Variants in SUPT6H observed in about 807,000 individuals in gnomAD.
SUPT6H encodes the protein SPT6 homolog, histone chaperone and transcription elongation factor.
In SUPT6H, 11 loss-of-function variants were observed where a neutral mutation model predicts 222.3. The observed-to-expected ratio is 0.05, with a 90% confidence interval of 0.03 to 0.08. The LOEUF is 0.08. SUPT6H is among the 10% of genes least tolerant of loss of function. The probability of loss-of-function intolerance (pLI) is 1.00; values close to 1 mark genes in which losing one functional copy is unlikely to be tolerated. For synonymous variants in SUPT6H, 762 were observed against 801.2 expected (o/e 0.95, Z 0.83); for missense variants, 1,422 against 2,216.0 (o/e 0.64, Z 7.19).
chr17:28,684,972 A>G lies in SUPT6H; in HGVS notation c.2487+11A>G. On this transcript the variant is annotated intron_variant, in intron 19 of 36. Transcript: ENST00000314616. ...GAGCGGGAAAAGAAGGCAAGTGGCT[A>G]GGACGAGGATACTAAGTGTACATCT... 6.2e-7 allele frequency: 1 copy of G among 1,610,090 alleles called. No homozygotes were observed. The highest frequency in any genetic ancestry group is 8.5e-7 in the Non-Finnish European group (1 of 1,177,126).
chr17:28,684,924 G>T lies in SUPT6H; in HGVS notation c.2450G>T (p.Arg817Leu). 1.2e-6 allele frequency: 2 copies of T among 1,614,112 alleles called. No individual in the cohort carries two copies. Among genetic ancestry groups the T allele is most frequent in the South Asian group, 2.2e-5 (2 of 91,044 alleles). Residue 817 changes from arginine to leucine, a missense_variant, in exon 19 of 37, where the codon CGG (arginine) becomes CTG (leucine). By Grantham distance (102) the Arg-to-Leu change is moderately radical. Transcript: ENST00000314616. ...DFLRLPHFTK[R>L]RTAWREEERE... Reference sequence around the variant, plus strand: ...CTTCGACTGCCCCATTTTACCAAACGGCGAACTGCATGGAGAGAGGAAGAG... The same window carrying T: ...CTTCGACTGCCCCATTTTACCAAACTGCGAACTGCATGGAGAGAGGAAGAG...
At chr17:28,700,656 GC>G in intron 35 of SUPT6H, 144 bp downstream of exon 35, 1 of 1,208,820 alleles carries the variant, frequency 8.3e-7, no homozygotes. Flanking sequence ...TTGTCCTTAG[GC>G]CCATTTGAAG....
At position 28,701,314 on chromosome 17, in the gene SUPT6H, C is replaced by T. The variant is rs557118858; in HGVS notation, c.4995-125C>T. The T allele has an allele frequency of 5.6e-5, 79 of 1,403,754 alleles. 1 individual carries two copies. The East Asian group carries it at 1.5e-3, about 26-fold the overall frequency. The allele number at this position is 1,403,754 out of a possible 1,614,324, so 87.0% of individuals were successfully genotyped here. A position where few individuals can be genotyped will look rare whatever the true frequency, so the allele number is the denominator to read the frequency against. ...GTATGGCAGCCAGCTGCTGCTGTAT[C>T]TGCCTTATCCCAGTAGAGGGGCTGC... is the stretch of plus-strand genomic sequence containing the variant. On this transcript the variant is annotated intron_variant, in intron 36 of 36. Coordinates refer to ENST00000314616, the MANE Select transcript of SUPT6H (RefSeq NM_003170.5).
At position 28,676,209 on chromosome 17, in the gene SUPT6H, T is replaced by C. The variant is rs1244588570; in HGVS notation, c.676T>C (p.Phe226Leu). 6.2e-7 allele frequency: 1 copy of C among 1,610,960 alleles called. No individual in the cohort carries two copies. The highest frequency in any genetic ancestry group is 8.5e-7 in the Non-Finnish European group (1 of 1,178,676). ...CGGTGTGGACTTTGACTATGATGAA[T>C]TTGAGAAATACAATGAGTATGATGA... ...IFGVDFDYDEFEKYNEYDEEL... is the reference protein window; with the variant it reads ...IFGVDFDYDELEKYNEYDEEL... Residue 226 changes from phenylalanine to leucine, a missense_variant, in exon 7 of 37, where the codon TTT (phenylalanine) becomes CTT (leucine). Phe to Leu is a conservative substitution (Grantham distance 22). Coordinates refer to ENST00000314616, the MANE Select transcript of SUPT6H (RefSeq NM_003170.5).
At position 28,674,292 on chromosome 17, in the gene SUPT6H, A is replaced by C; in HGVS notation, c.119A>C (p.Glu40Ala). The change falls in exon 3 of 37, where the codon GAG becomes GCG. Residue 40 changes from glutamate to alanine, a missense_variant. By Grantham distance (107) the Glu-to-Ala change is moderately radical. Transcript: ENST00000314616. ...CATGCATGTCTTCCAGATGAGGAGG[A>C]GGAGGAGGAGAACCTAGATGATCAG... ...FVEEEDDDEE[E>A]EEENLDDQDE... is the part of the protein sequence containing the mutation. The C allele has an allele frequency of 6.2e-7, 1 of 1,614,140 alleles. No individual in the cohort carries two copies. The highest frequency in any genetic ancestry group is 8.5e-7 in the Non-Finnish European group (1 of 1,180,026).
chr17:28,701,749 G>C lies in SUPT6H; in HGVS notation c.*124G>C. On this transcript the variant is annotated 3_prime_UTR_variant, in exon 37 of 37. Coordinates refer to ENST00000314616, the MANE Select transcript of SUPT6H (RefSeq NM_003170.5). ...CGTGAAGTGAGACGTTCTCTTTGGT[G>C]GTCAACCCGGATGGGTGACAGGCTG... is the stretch of plus-strand genomic sequence containing the variant. 9.4e-7 allele frequency: 1 copy of C among 1,059,690 alleles called. No individual in the cohort carries two copies. Among genetic ancestry groups the C allele is most frequent in the South Asian group, 1.6e-5 (1 of 62,358 alleles). 65.6% of individuals were successfully genotyped at this position (1,059,690 alleles called of 1,614,324 possible).
rs1465186982 is a variant in SUPT6H at position 28,681,793 on chromosome 17, G to T, written c.1499-89G>T. The T allele has an allele frequency of 9.5e-6, 11 of 1,156,654 alleles. No individual in the cohort carries two copies. In the East Asian group the frequency reaches 1.3e-4, roughly 14 times the overall value. The allele number at this position is 1,156,654 out of a possible 1,614,324, so 71.6% of individuals were successfully genotyped here. On this transcript the variant is annotated intron_variant, in intron 12 of 36. Coordinates refer to ENST00000314616, the MANE Select transcript of SUPT6H (RefSeq NM_003170.5). ...CATCTTGAAGGAGGCCCTTGGCTGG[G>T]TACCCTTTGAGGCTTCTCTCCTAAT...
At chr17:28,673,307 G>A (rs764902322) in intron 1 of SUPT6H, 64 bp from the exon 2 acceptor site, 25 of 983,590 alleles carry the variant, frequency 2.5e-5, no homozygotes, top group Non-Finnish European at 3.3e-5. Flanking sequence ...TTGTGGGAAG[G>A]TTTAAGAGCC....
chr17:28,675,971 A>G (rs1189268282), intron 6 of SUPT6H, among the ~76,000 whole-genome samples, 186 bp from the exon 7 acceptor site: 3 of 152,190 alleles, frequency 2.0e-5, no homozygotes, highest in East Asian at 1.9e-4. Context: ...TTAATCTTCC[A>G]TATACAATAG....
chr17:28,693,923 G>A, intron 28 of SUPT6H, 87 bp downstream of exon 28: 1 of 1,561,836 alleles, frequency 6.4e-7, no homozygotes, highest in Non-Finnish European at 8.8e-7. Context: ...CCCACCAGAA[G>A]TTAGGCTCTG....
chr17:28,684,709 G>A lies in SUPT6H; in HGVS notation c.2353G>A (p.Ala785Thr), dbSNP rs1325525601. 6.2e-7 allele frequency: 1 copy of A among 1,614,208 alleles called. No individual in the cohort carries two copies. The highest frequency in any genetic ancestry group is 2.2e-5 in the East Asian group (1 of 44,884). ...GAAGGGCATTCGAGTCCTCGGCATT[G>A]CTTTCTCCTCTGCCAGGTAACAGCC... is the stretch of plus-strand genomic sequence containing the variant. ...QGKGIRVLGI[A>T]FSSARDHPVF... Residue 785 changes from alanine (A) to threonine (T), a missense_variant, in exon 18 of 37, where the codon GCT (alanine) becomes ACT (threonine). By Grantham distance (58) the Ala-to-Thr change is moderately conservative. This residue lies in a region of SUPT6H where 294 missense variants were observed against 382.1 expected (regional missense o/e 0.77). Transcript: ENST00000314616.
intron 6 of SUPT6H, among the ~76,000 whole-genome samples, chr17:28,675,739 G>C (rs978251781): frequency 6.6e-6 from 1 of 152,166 alleles, no homozygotes; most frequent in Non-Finnish European, 1.5e-5. Context: ...TTCCTCTTCC[G>C]CCTACAGCTC....
intron 26 of SUPT6H, 89 bp downstream of exon 26, chr17:28,690,318 C>T: frequency 6.6e-7 from 1 of 1,522,992 alleles, no homozygotes; most frequent in Non-Finnish European, 8.9e-7. Flanking sequence ...CAGATTGAGG[C>T]AGGTTTGTGT....
intron 35 of SUPT6H, 103 bp downstream of exon 35, chr17:28,700,615 G>A (rs933490767): frequency 1.3e-5 from 18 of 1,436,608 alleles, no homozygotes; most frequent in South Asian, 1.0e-4. Context: ...GGGCTGCCAC[G>A]GCCTTGGTAA....
intron 11 of SUPT6H, among the ~76,000 whole-genome samples, chr17:28,680,005 A>AG (rs942824055): frequency 2.5e-5 from 1 of 40,086 alleles, no homozygotes; most frequent in African/African-American, 3.8e-5. Context: ...AAAAAAAAAA[A>AG]GAAAGAAAGA....
intron 29 of SUPT6H, 112 bp downstream of exon 29, chr17:28,695,659 C>T (rs370600889): frequency 8.6e-6 from 11 of 1,284,040 alleles, no homozygotes; most frequent in East Asian, 7.6e-5. Flanking sequence ...AGTGGGGACT[C>T]AGCTTTGAGG....
intron 1 of SUPT6H, among the ~76,000 whole-genome samples, chr17:28,667,170 C>A (rs1265464135): frequency 2.0e-5 from 3 of 148,924 alleles, no homozygotes; most frequent in African/African-American, 7.4e-5. Flanking sequence ...TTGAGACTAT[C>A]CTGGCTAACA....
chr17:28,664,113 T>C (rs2072122628), intron 1 of SUPT6H, among the ~76,000 whole-genome samples: 1 of 152,130 alleles, frequency 6.6e-6, no homozygotes, highest in Admixed American at 6.6e-5. Flanking sequence ...CTCCAAACTT[T>C]CATCTTGGCT....
intron 10 of SUPT6H, 62 bp downstream of exon 10, chr17:28,678,696 T>A: frequency 6.8e-6 from 11 of 1,611,052 alleles, no homozygotes; most frequent in Non-Finnish European, 9.3e-6. Flanking sequence ...ACTACCAGGA[T>A]ACCACAAACC....
Sources: allele counts gnomAD v4.1 joint callset (sites outside exome capture counted in the v4.1 genomes callset), GRCh38; gene constraint gnomAD v4.1.1; regional missense constraint gnomAD v4.1.1; transcripts MANE v1.5; gene names NCBI Gene and HGNC (gene_info 2026-07-23, HGNC 2026-07-21).